The following LNPEP variants were observed in gnomAD, a reference collection of about 807,000 sequenced individuals.
The protein encoded by LNPEP is leucyl-cystinyl aminopeptidase.
A neutral mutation model predicts 120.6 loss-of-function variants in LNPEP; 64 were observed. That is an observed-to-expected ratio of 0.53 (90% CI 0.43 to 0.65). The LOEUF (loss-of-function observed/expected upper bound fraction) is 0.65. LNPEP is among the 30% of genes least tolerant of loss of function. LNPEP has a pLI of 0.00. For synonymous variants in LNPEP, 435 were observed against 425.4 expected (o/e 1.02, Z -0.28); for missense variants, 1,057 against 1,200.0 (o/e 0.88, Z 1.76).
At chr5:96,968,180 G>A (rs1240999983) in intron 1 of LNPEP, among the ~76,000 whole-genome samples, 1 of 152,086 alleles carries the variant, frequency 6.6e-6, no homozygotes, top group African/African-American at 2.4e-5. Context: ...GTGGTGTGTA[G>A]TGGGGAGAGA....
Position 97,022,340 on chromosome 5 carries a change from A to G in LNPEP, c.2417A>G (p.Gln806Arg). 6.2e-7 allele frequency: 1 copy of G among 1,612,414 alleles called. No homozygotes were observed. The highest frequency in any genetic ancestry group is 1.1e-5 in the South Asian group (1 of 90,826). ...FKLLQNQIQQ[Q>R]TWTDEGTPSM... ...TTACTTCAAAACCAAATTCAACAAC[A>G]AACTTGGACTGATGAGGGCACTCCA... Residue 806 changes from glutamine (Q) to arginine (R), a missense_variant, in exon 14 of 18, where the codon CAA (glutamine) becomes CGA (arginine). Gln to Arg is a conservative substitution (Grantham distance 43). Transcript: ENST00000231368.
intron 1 of LNPEP, among the ~76,000 whole-genome samples, chr5:96,946,709 G>A (rs1018512347): frequency 6.6e-6 from 1 of 152,170 alleles, no homozygotes; most frequent in Non-Finnish European, 1.5e-5. Context: ...GTAAATTGAT[G>A]ACAAAGTTGT....
rs116624940 is a variant in LNPEP, at chr5:96,984,703, C to T, written c.861-377C>T. ...GTACTGAAACAGTTGTTATGGAGGC[C>T]TGCGTTAGTGAGATCTGGCTTGCCA... On this transcript the variant is annotated intron_variant, in intron 2 of 17. Coordinates refer to ENST00000231368, the MANE Select transcript of LNPEP (RefSeq NM_005575.3). 4.6e-3 allele frequency among the ~76,000 whole-genome samples: 697 copies of T among 152,214 alleles called. 2 individuals are homozygous for T. Among genetic ancestry groups the T allele is most frequent in the African/African-American group, 0.016 (663 of 41,540 alleles).
chr5:96,952,586 TTGAC>T (rs1340979168), intron 1 of LNPEP, among the ~76,000 whole-genome samples: 1 of 152,196 alleles, frequency 6.6e-6, no homozygotes, highest in Non-Finnish European at 1.5e-5. Flanking sequence ...CCAGGCATAT[TTGAC>T]TGGCCACATT....
At chr5:96,960,463 T>G (rs1188640139) in intron 1 of LNPEP, among the ~76,000 whole-genome samples, 1 of 152,150 alleles carries the variant, frequency 6.6e-6, no homozygotes, top group East Asian at 1.9e-4. Flanking sequence ...CTTTAAATCT[T>G]TAGTTGTTAA....
chr5:96,940,831 C>A (rs576917650), intron 1 of LNPEP, among the ~76,000 whole-genome samples: 5 of 152,262 alleles, frequency 3.3e-5, no homozygotes, highest in African/African-American at 1.2e-4. Flanking sequence ...AATTAGTCAC[C>A]TCATGACTTG....
At chr5:96,986,911 GAC>G in intron 4 of LNPEP, among the ~76,000 whole-genome samples, 1 of 152,184 alleles carries the variant, frequency 6.6e-6, no homozygotes, top group Middle Eastern at 3.4e-3. Flanking sequence ...ATTTTAGTAA[GAC>G]ACTATATGTA....
intron 1 of LNPEP, among the ~76,000 whole-genome samples, chr5:96,941,313 CCTG>C (rs2112555731): frequency 6.6e-6 from 1 of 152,278 alleles, no homozygotes; most frequent in South Asian, 2.1e-4. Context: ...GCTGCTCACT[CCTG>C]CTGTGTGGCC....
intron 13 of LNPEP, among the ~76,000 whole-genome samples, chr5:97,015,824 A>T (rs1791053459): frequency 6.6e-6 from 1 of 152,168 alleles, no homozygotes; most frequent in Non-Finnish European, 1.5e-5. Context: ...TTAGACCAAG[A>T]ATTAGAATAA....
At chr5:97,017,072 A>ATT (rs1791086012) in intron 13 of LNPEP, among the ~76,000 whole-genome samples, 1 of 152,178 alleles carries the variant, frequency 6.6e-6, no homozygotes, top group Non-Finnish European at 1.5e-5. Flanking sequence ...TAGTTCTTCA[A>ATT]AGTTGTACCA....
At chr5:96,953,205 G>GTACTTCCTGTAAGC (rs1472454070) in intron 1 of LNPEP, among the ~76,000 whole-genome samples, 1 of 152,160 alleles carries the variant, frequency 6.6e-6, no homozygotes, top group South Asian at 2.1e-4. Context: ...GGAAAGGAAG[G>GTACTTCCTGTAAGC]TACTTCCTGT....
intron 1 of LNPEP, among the ~76,000 whole-genome samples, chr5:96,968,541 C>CT (rs1340748075): frequency 6.6e-6 from 1 of 151,874 alleles, no homozygotes; most frequent in Non-Finnish European, 1.5e-5. Flanking sequence ...TTCTTATAAC[C>CT]TTTTTGTCTT....
At chr5:96,977,241 C>T (rs888557032) in intron 1 of LNPEP, among the ~76,000 whole-genome samples, 3 of 151,382 alleles carry the variant, frequency 2.0e-5, no homozygotes, top group African/African-American at 7.3e-5. Context: ...AAAGGAAAAA[C>T]AAAAAAACAT....
At chr5:96,990,784 T>A (rs1233879494) in intron 4 of LNPEP, among the ~76,000 whole-genome samples, 1 of 152,248 alleles carries the variant, frequency 6.6e-6, no homozygotes, top group Non-Finnish European at 1.5e-5. Context: ...TTAAACATTC[T>A]ATATTGTTTA....
chr5:96,953,983 G>A (rs908186635), intron 1 of LNPEP, among the ~76,000 whole-genome samples: 1 of 152,126 alleles, frequency 6.6e-6, no homozygotes, highest in African/African-American at 2.4e-5. Flanking sequence ...TTGATTACTA[G>A]GTACATTGCA....
At chr5:97,010,270 TC>T (rs1790894342) in intron 11 of LNPEP, 2 of 968,682 alleles carry the variant, frequency 2.1e-6, no homozygotes, top group African/African-American at 3.5e-5. Context: ...TCGTATTAAA[TC>T]TAATGCAAAA....
At chr5:96,984,939 T>C in intron 2 of LNPEP, 141 bp from the exon 3 acceptor site, 1 of 793,320 alleles carries the variant, frequency 1.3e-6, no homozygotes, top group Admixed American at 2.7e-5. Flanking sequence ...TTCTGTTCAT[T>C]GTATAAACCT....
chr5:96,937,871 A>G (rs1788956027), intron 1 of LNPEP: 1 of 152,242 alleles, frequency 6.6e-6, no homozygotes, highest in Non-Finnish European at 1.5e-5. Context: ...ATCCCACAGA[A>G]GAGAACAAAA....
intron 1 of LNPEP, among the ~76,000 whole-genome samples, chr5:96,954,764 A>ATG (rs1581981577): frequency 2.2e-5 from 1 of 44,538 alleles, no homozygotes; most frequent in East Asian, 3.4e-4. Flanking sequence ...ATATATATAT[A>ATG]TATATATATT....
Sources: gnomAD v4.1 joint callset for allele counts (sites outside exome capture counted in the v4.1 genomes callset) on GRCh38, gnomAD v4.1.1 for gene constraint, MANE v1.5 for transcripts, NCBI Gene and HGNC (gene_info 2026-07-23, HGNC 2026-07-21) for gene names.